The following CFAP299 variants were observed in gnomAD, a reference collection of about 807,000 sequenced individuals.
CFAP299 encodes cilia- and flagella-associated protein 299.
Under a neutral mutation model 27.0 loss-of-function variants are expected in CFAP299, and 21 were observed. That is an observed-to-expected ratio of 0.78 (90% confidence interval 0.55 to 1.12). CFAP299 has a LOEUF of 1.12. CFAP299 is among the 50% of genes most tolerant of loss of function. CFAP299 has a pLI of 0.00. For missense variants in CFAP299, 310 were observed against 276.6 expected (o/e 1.12, Z -0.86); for synonymous variants, 104 against 98.1 (o/e 1.06, Z -0.36).
At chr4:80,376,739 C>T (rs1000958162) in intron 2 of CFAP299, among the ~76,000 whole-genome samples, 3 of 152,192 alleles carry the variant, frequency 2.0e-5, no homozygotes, top group Admixed American at 1.3e-4. Context: ...ACTGCAACCT[C>T]TGCTTCCCAG....
chr4:80,746,785 G>A (rs116481964), intron 3 of CFAP299, among the ~76,000 whole-genome samples: 1 of 151,930 alleles, frequency 6.6e-6, no homozygotes, highest in Non-Finnish European at 1.5e-5. Flanking sequence ...AATAGTAAGA[G>A]ATATTATATA....
chr4:80,639,380 T>A (rs980249701), intron 3 of CFAP299, among the ~76,000 whole-genome samples: 3 of 152,136 alleles, frequency 2.0e-5, no homozygotes, highest in African/African-American at 7.2e-5. Context: ...ATGGAGATGT[T>A]TTTTGGTGTG....
chr4:80,621,371 A>G (rs1415247520), intron 3 of CFAP299, among the ~76,000 whole-genome samples: 4 of 152,170 alleles, frequency 2.6e-5, no homozygotes, highest in African/African-American at 9.6e-5. Context: ...CAATAGTTAC[A>G]GACAAAGTTA....
chr4:80,520,872 A>G (rs866319284), intron 2 of CFAP299, among the ~76,000 whole-genome samples: 4 of 152,302 alleles, frequency 2.6e-5, no homozygotes, highest in Middle Eastern at 3.4e-3. Flanking sequence ...TGACAAGCAA[A>G]TGTAAATTCG....
At chr4:80,466,579 G>A (rs145843209) in intron 2 of CFAP299, among the ~76,000 whole-genome samples, 98 of 152,282 alleles carry the variant, frequency 6.4e-4, no homozygotes, top group African/African-American at 2.2e-3. Context: ...GCACTAAAAC[G>A]ATGGTAAAAA....
intron 2 of CFAP299, among the ~76,000 whole-genome samples, chr4:80,573,078 A>C (rs1735676299): frequency 6.6e-6 from 1 of 152,150 alleles, no homozygotes; most frequent in African/African-American, 2.4e-5. Flanking sequence ...AGTAATTTAC[A>C]GTGCTATCAA....
intron 3 of CFAP299, among the ~76,000 whole-genome samples, chr4:80,838,361 G>T (rs1730679972): frequency 6.6e-6 from 1 of 152,148 alleles, no homozygotes; most frequent in Admixed American, 6.5e-5. Context: ...TAATGGTATT[G>T]CCTAGGTTTT....
At chr4:80,682,218 C>T (rs1038432808) in intron 3 of CFAP299, among the ~76,000 whole-genome samples, 8 of 152,164 alleles carry the variant, frequency 5.3e-5, no homozygotes, top group Non-Finnish European at 8.8e-5. Context: ...AATTCATGCT[C>T]AGTACTTAAA....
intron 2 of CFAP299, among the ~76,000 whole-genome samples, chr4:80,569,277 T>C (rs1432640063): frequency 3.3e-5 from 5 of 152,106 alleles, no homozygotes; most frequent in Non-Finnish European, 7.4e-5. Context: ...AGGAATAAAA[T>C]CTCAGAGGAT....
At chr4:80,540,882 A>T (rs1469509633) in intron 2 of CFAP299, among the ~76,000 whole-genome samples, 6 of 152,186 alleles carry the variant, frequency 3.9e-5, no homozygotes, top group Non-Finnish European at 8.8e-5. Context: ...GAACTATCTA[A>T]CAAACCCTTT....
chr4:80,400,606 C>G (rs535131071), intron 2 of CFAP299, among the ~76,000 whole-genome samples: 1 of 152,280 alleles, frequency 6.6e-6, no homozygotes, highest in African/African-American at 2.4e-5. Flanking sequence ...ATTCTGAGGC[C>G]TCCCCAGTGG....
At chr4:80,618,569 A>G (rs979287700) in intron 3 of CFAP299, among the ~76,000 whole-genome samples, 21 of 152,136 alleles carry the variant, frequency 1.4e-4, no homozygotes, top group African/African-American at 4.3e-4. Flanking sequence ...TGAAGTAAAC[A>G]TCAATGGATT....
rs114317552 is a variant in CFAP299 at position 80,657,704 on chromosome 4, T to C, written c.333+74521T>C. ...CCTTTTTGCTTAGGATTGTCTTTGC[T>C]AGATGGGCTCTTTTTTGGGTTCCAT... On this transcript the variant is annotated intron_variant, in intron 3 of 5. Transcript: ENST00000358105. Among the ~76,000 whole-genome samples, 874 of 152,228 alleles carry C rather than the reference T, an allele frequency of 5.7e-3. 6 individuals carry two copies. Among genetic ancestry groups the C allele is most frequent in the African/African-American group, 0.02 (816 of 41,554 alleles).
chr4:80,351,815 TTAA>T (rs1723026488), intron 1 of CFAP299, among the ~76,000 whole-genome samples: 2 of 150,488 alleles, frequency 1.3e-5, no homozygotes, highest in African/African-American at 2.4e-5. Context: ...TAGTAATATA[TTAA>T]TAACATTAAA....
intron 4 of CFAP299, among the ~76,000 whole-genome samples, chr4:80,881,154 A>G (rs1399740366): frequency 6.6e-6 from 1 of 152,230 alleles, no homozygotes; most frequent in African/African-American, 2.4e-5. Flanking sequence ...AGAACCCTCT[A>G]TGGAGTGAGG....
At chr4:80,399,651 CG>C (rs1726025996) in intron 2 of CFAP299, among the ~76,000 whole-genome samples, 2 of 135,858 alleles carry the variant, frequency 1.5e-5, no homozygotes, top group South Asian at 4.5e-4. Flanking sequence ...CGAGAACACT[CG>C]GACACAGTAA....
In CFAP299 at chr4:80,428,384, C is replaced by T. The variant is rs573857800; in HGVS notation, c.242+65500C>T. ...TCTTTATCTGTAGTAATCTGCACCT[C>T]CACCTTAGTAGCAGCATGTTTTAAC... On this transcript the variant is annotated intron_variant, in intron 2 of 5. Transcript: ENST00000358105. Among the ~76,000 whole-genome samples, 164 of 152,268 alleles carry T rather than the reference C, an allele frequency of 1.1e-3. 1 individual carries two copies. The highest frequency in any genetic ancestry group is 3.7e-3 in the African/African-American group (154 of 41,554).
intron 3 of CFAP299, among the ~76,000 whole-genome samples, chr4:80,784,492 C>T (rs1477362042): frequency 6.6e-6 from 1 of 151,688 alleles, no homozygotes; most frequent in Non-Finnish European, 1.5e-5. Flanking sequence ...TTCTTTCTTT[C>T]TTTCTTTTCT....
At chr4:80,871,261 T>A in intron 4 of CFAP299, 1 of 985,472 alleles carries the variant, frequency 1.0e-6, no homozygotes, top group Non-Finnish European at 1.2e-6. Flanking sequence ...GGATAACATT[T>A]CATTTAACTT....
Sources: allele counts gnomAD v4.1 joint callset (sites outside exome capture counted in the v4.1 genomes callset), GRCh38; gene constraint gnomAD v4.1.1; transcripts MANE v1.5; gene names NCBI Gene and HGNC (gene_info 2026-07-23, HGNC 2026-07-21).